CABYR: variants seen among roughly 807,000 people sequenced by gnomAD.
CABYR encodes the protein calcium-binding tyrosine phosphorylation-regulated protein.
CABYR carries 31 observed loss-of-function variants against 36.1 expected under a neutral mutation model. The observed-to-expected ratio is 0.86, with a 90% CI of 0.64 to 1.16. CABYR has a LOEUF of 1.16. Ranked by LOEUF, CABYR falls within the 50% of genes most tolerant of loss-of-function variation. CABYR has a pLI of 0.00. For missense variants in CABYR, 429 were observed against 455.8 expected, an observed-to-expected ratio of 0.94 and a Z score of 0.53; for synonymous variants, 146 against 160.7, an observed-to-expected ratio of 0.91 and a Z score of 0.69.
chr18:24,150,768 GT>G (rs145208159), intron 3 of CABYR: 6,709 of 122,648 alleles, frequency 0.055, 221 homozygotes, highest in East Asian at 0.17. Flanking sequence ...CAGTTTTTTT[GT>G]TTTTTTGTTT....
intron 3 of CABYR, among the ~76,000 whole-genome samples, chr18:24,155,169 C>T (rs542419240): frequency 6.6e-6 from 1 of 152,264 alleles, no homozygotes; most frequent in South Asian, 2.1e-4. Context: ...GGTCTCCCCC[C>T]CACCCAACCT....
At chr18:24,153,565 G>A (rs886479854) in intron 3 of CABYR, among the ~76,000 whole-genome samples, 4 of 151,960 alleles carry the variant, frequency 2.6e-5, no homozygotes, top group Non-Finnish European at 4.4e-5. Flanking sequence ...ATTCTTTCTG[G>A]GCCCTGCTAC....
chr18:24,154,201 G>GTCTA (rs751973790), intron 3 of CABYR, among the ~76,000 whole-genome samples: 12 of 142,940 alleles, frequency 8.4e-5, no homozygotes, highest in East Asian at 2.1e-4. Context: ...ACCTATATTT[G>GTCTA]TCTATCTTAT....
At chr18:24,148,313 A>G (rs1479530720) in intron 3 of CABYR, among the ~76,000 whole-genome samples, 6 of 152,092 alleles carry the variant, frequency 3.9e-5, no homozygotes, top group African/African-American at 9.7e-5. Context: ...TGGAAGGGGG[A>G]TACTACTACC....
chr18:24,156,004 T>C lies in CABYR; in HGVS notation c.503T>C (p.Val168Ala). The change falls in exon 4 of 6, where the codon GTC (valine) becomes GCC (alanine). Residue 168 changes from valine (V) to alanine (A), a missense_variant. Physicochemically the swap from Val to Ala is moderately conservative, Grantham distance 64 (BLOSUM62 0). Transcript: ENST00000399496. ...GCTGTCTCACCAGAGTTTGCCTACGTCCCAGCTGACCCAGCTCAGCTTGCT... is the reference window on the plus strand; with the variant it reads ...GCTGTCTCACCAGAGTTTGCCTACGCCCCAGCTGACCCAGCTCAGCTTGCT... ...PTAVSPEFAYVPADPAQLAAQ... is the reference protein window; with the variant it reads ...PTAVSPEFAYAPADPAQLAAQ... The C allele has an allele frequency of 6.2e-7, 1 of 1,614,224 alleles. No individual in the cohort carries two copies. Among genetic ancestry groups the C allele is most frequent in the Non-Finnish European group, 8.5e-7 (1 of 1,180,040 alleles).
rs140250271 is a variant in CABYR, at chr18:24,143,225, A to C, written c.111A>C (p.Ala37=). The C allele has an allele frequency of 5.0e-6, 8 of 1,613,852 alleles. No individual in the cohort carries two copies. In the African/African-American group the frequency reaches 1.1e-4, roughly 22 times the overall value. ...ACCCATCAAACATCAACCAGTTTGC[A>C]GCAGCTTATTTTCAAGAACTTACTA... ...KTNPSNINQF[A]AAYFQELTMY... The change falls in exon 2 of 6, where the codon GCA becomes GCC. Residue 37 remains alanine (A), a synonymous_variant. Transcript: ENST00000399496.
chr18:24,160,111 C>T lies in CABYR; in HGVS notation c.1139+42C>T, dbSNP rs764166565. ...ACCATAATATTTAGGCCTTAACACA[C>T]GCGCGTTTTAAGCATTTTGATTTCT... On this transcript the variant is annotated intron_variant, in intron 5 of 5. Coordinates refer to ENST00000399496, the MANE Select transcript of CABYR (RefSeq NM_153769.3). 39 of 1,325,682 alleles carry T rather than the reference C, an allele frequency of 2.9e-5. 1 individual carries two copies. The Admixed American group carries it at 3.0e-4, about 10-fold the overall frequency. The allele number at this position is 1,325,682 out of a possible 1,614,324, so 82.1% of individuals were successfully genotyped here. A position where few individuals can be genotyped will look rare whatever the true frequency, so the allele number is the denominator to read the frequency against.
At chr18:24,149,761 G>GCCCA (rs1221417915) in intron 3 of CABYR, among the ~76,000 whole-genome samples, 2 of 152,234 alleles carry the variant, frequency 1.3e-5, no homozygotes, top group Non-Finnish European at 2.9e-5. Context: ...GGCACTGCTG[G>GCCCA]GGGACCCAGT....
intron 3 of CABYR, 141 bp downstream of exon 3, chr18:24,143,554 TATATA>T (rs1187211016): frequency 1.0e-5 from 3 of 301,032 alleles, no homozygotes; most frequent in Non-Finnish European, 1.1e-5. Context: ...AATATATATA[TATATA>T]TTTTTAGAGA....
At chr18:24,158,065 A>G (rs964602425) in intron 4 of CABYR, among the ~76,000 whole-genome samples, 8 of 152,140 alleles carry the variant, frequency 5.3e-5, no homozygotes, top group African/African-American at 1.9e-4. Flanking sequence ...CTGGCACTAT[A>G]TTTGTGGCTT....
chr18:24,152,203 A>T (rs964845060), intron 3 of CABYR, among the ~76,000 whole-genome samples: 1 of 152,226 alleles, frequency 6.6e-6, no homozygotes, highest in African/African-American at 2.4e-5. Flanking sequence ...CACATTTTCA[A>T]AACTTTTCTG....
In CABYR at chr18:24,144,021, C is replaced by A. The variant is rs186869363; in HGVS notation, c.199+608C>A. On this transcript the variant is annotated intron_variant, in intron 3 of 5. Transcript: ENST00000399496. ...CAAACGATTCTCCTGCCTCAGCCTC[C>A]CGAGTAGTTGGGACTCCAGGCGCCC... Among the ~76,000 whole-genome samples, 1,004 of 152,204 alleles carry A rather than the reference C, an allele frequency of 6.6e-3. 8 individuals are homozygous for A. The highest frequency in any genetic ancestry group is 0.024 in the African/African-American group (979 of 41,520).
rs773463364 is a variant in CABYR at position 24,161,496 on chromosome 18, G to A, written c.*-20G>A. 29 of 779,888 alleles carry A rather than the reference G, an allele frequency of 3.7e-5. No homozygotes were observed. The highest frequency in any genetic ancestry group is 6.2e-5 in the Non-Finnish European group (26 of 417,778). The allele number at this position is 779,888 out of a possible 1,614,324, so 48.3% of individuals were successfully genotyped here. On this transcript the variant is annotated intron_variant, in intron 5 of 5. Transcript: ENST00000399496. ...CATGTTTAACTTTAAACAATTCAAT[G>A]TTTGCATTATTCCTAACAGATCCAG...
chr18:24,145,980 A>T (rs1685272), intron 3 of CABYR, among the ~76,000 whole-genome samples: 1 of 152,338 alleles, frequency 6.6e-6, no homozygotes, highest in East Asian at 1.9e-4. Flanking sequence ...CAAAATCAGT[A>T]CCATTTAGAA....
At position 24,143,152 on chromosome 18, in the gene CABYR, G is replaced by C; in HGVS notation, c.38G>C (p.Gly13Ala). 6.2e-7 allele frequency: 1 copy of C among 1,613,584 alleles called. No individual in the cohort carries two copies. The highest frequency in any genetic ancestry group is 8.5e-7 in the Non-Finnish European group (1 of 1,179,810). Residue 13 changes from glycine to alanine, a missense_variant, in exon 2 of 6, where the codon GGC becomes GCC. Physicochemically the swap from Gly to Ala is moderately conservative, Grantham distance 60. Coordinates refer to ENST00000399496, the MANE Select transcript of CABYR (RefSeq NM_153769.3). Reference protein sequence around the residue: ...SSKPRLVVPYGLKTLLEGISR... With the variant: ...SSKPRLVVPYALKTLLEGISR... ...AAGCCCAGACTTGTCGTACCCTATG[G>C]CCTCAAGACTCTGCTCGAGGGAATT...
intron 5 of CABYR, chr18:24,160,870 G>T (rs888198516): frequency 3.3e-5 from 5 of 152,388 alleles, no homozygotes; most frequent in African/African-American, 1.2e-4. Flanking sequence ...GTGCGCCCAG[G>T]CTGTGTCCTA....
chr18:24,143,270 C>T lies in CABYR; in HGVS notation c.145+11C>T, dbSNP rs1380954708. ...TTACTATGTATAGAGGTTTGTTATTCCTTTATATATTTGCTGCTTTGAAAA... is the reference window on the plus strand; with the variant it reads ...TTACTATGTATAGAGGTTTGTTATTTCTTTATATATTTGCTGCTTTGAAAA... On this transcript the variant is annotated intron_variant, in intron 2 of 5. Transcript: ENST00000399496. 1 of 1,603,096 alleles carries T rather than the reference C, an allele frequency of 6.2e-7. No homozygotes were observed. The highest frequency in any genetic ancestry group is 1.3e-5 in the African/African-American group (1 of 74,314).
In CABYR at chr18:24,156,978, GA is replaced by G. The variant is rs765272590; in HGVS notation, c.541+938del. On this transcript the variant is annotated intron_variant, in intron 4 of 5. Coordinates refer to ENST00000399496, the MANE Select transcript of CABYR (RefSeq NM_153769.3). Reference sequence around the variant, plus strand: ...TGAACCAGAAGGGGAATCAACAGCTGAATAAGGTTTGATGAAGCCAGGTAAG... The same window carrying G: ...TGAACCAGAAGGGGAATCAACAGCTGATAAGGTTTGATGAAGCCAGGTAAG... The G allele has an allele frequency of 3.7e-6, 6 of 1,604,642 alleles. No individual in the cohort carries two copies. In the East Asian group the frequency reaches 1.3e-4, roughly 36 times the overall value.
At chr18:24,139,944 T>C (rs577689527) in intron 1 of CABYR, 1 of 151,530 alleles carries the variant, frequency 6.6e-6, no homozygotes, top group African/African-American at 2.4e-5. Context: ...TTTTTTTTTT[T>C]TTTGAGACGG....
Sources: gnomAD v4.1 joint callset for allele counts (sites outside exome capture counted in the v4.1 genomes callset) on GRCh38, gnomAD v4.1.1 for gene constraint, MANE v1.5 for transcripts, NCBI Gene and HGNC (gene_info 2026-07-23, HGNC 2026-07-21) for gene names.